Variants in ESYT1 observed in about 807,000 individuals in gnomAD.
ESYT1 encodes extended synaptotagmin 1.
A neutral mutation model predicts 154.2 loss-of-function variants in ESYT1; 116 were observed. The ratio of observed to expected loss-of-function variants is 0.75; its 90% confidence interval spans 0.65 to 0.88. The LOEUF is 0.88. Ranked by LOEUF, ESYT1 falls within the 40% of genes least tolerant of loss-of-function variation. The pLI is 0.00. For missense variants in ESYT1, 1,264 were observed against 1,379.3 expected (o/e 0.92, Z 1.32); for synonymous variants, 500 against 539.9 (o/e 0.93, Z 1.02).
Position 56,133,808 on chromosome 12 carries a change from T to C in ESYT1, c.1408T>C (p.Ser470Pro). ...QVLQWNWGVS[S>P]RPDPPSAAIL... ...TCTACAGTGGAATTGGGGAGTCTCC[T>C]CTCGACCAGATCCCCCGTCAGCTGC... The change falls in exon 13 of 31, where the codon TCT (serine) becomes CCT (proline). Residue 470 changes from serine to proline, a missense_variant. Physicochemically the swap from Ser to Pro is moderately conservative, Grantham distance 74. Transcript: ENST00000394048. 1.9e-6 allele frequency: 3 copies of C among 1,614,142 alleles called. No individual in the cohort carries two copies. Among genetic ancestry groups the C allele is most frequent in the Non-Finnish European group, 2.5e-6 (3 of 1,180,022 alleles).
intron 28 of ESYT1, 25 bp downstream of exon 28, chr12:56,143,173 A>C (rs530032544): frequency 1.2e-6 from 2 of 1,614,132 alleles, no homozygotes; most frequent in South Asian, 2.2e-5. Flanking sequence ...ATTCAGGTGG[A>C]GAGATGGCAG....
chr12:56,131,253 T>C lies in ESYT1; in HGVS notation c.651T>C (p.Gly217=). 6.2e-7 allele frequency: 1 copy of C among 1,614,026 alleles called. No individual in the cohort carries two copies. The highest frequency in any genetic ancestry group is 8.5e-7 in the Non-Finnish European group (1 of 1,180,012). Residue 217 remains glycine (G), a synonymous_variant, in exon 5 of 31, where the codon GGT becomes GGC. Transcript: ENST00000394048. The part of the protein sequence containing the change: ...ILLDLNISYV[G]DVQIDVEVKK... ...CTTCACCAATCCCCAGCTATGTAGG[T>C]GATGTGCAGATTGATGTGGAAGTGA...
At position 56,128,702 on chromosome 12, in the gene ESYT1, C is replaced by T; in HGVS notation, c.383C>T (p.Pro128Leu). The change falls in exon 1 of 31, where the codon CCT becomes CTT. Residue 128 changes from proline (P) to leucine (L), a missense_variant. Physicochemically the swap from Pro to Leu is moderately conservative, Grantham distance 98. Transcript: ENST00000394048. ...CTCTATATGAGTCATCGAGAGCTAC[C>T]TGCCTGGGTGAGCGACCACCCTCGG... ...KTLYMSHREL[P>L]AWVSFPDVEK... is the part of the protein sequence containing the mutation. The T allele has an allele frequency of 1.2e-6, 2 of 1,613,566 alleles. No homozygotes were observed. The highest frequency in any genetic ancestry group is 1.7e-6 in the Non-Finnish European group (2 of 1,180,032).
At position 56,130,858 on chromosome 12, in the gene ESYT1, C is replaced by T. The variant is rs144990033; in HGVS notation, c.500C>T (p.Pro167Leu). 3.3e-4 allele frequency: 540 copies of T among 1,614,050 alleles called. 1 individual carries two copies. The highest frequency in any genetic ancestry group is 4.3e-4 in the Non-Finnish European group (512 of 1,180,050). ...AAGCTTCTGGCTGAAACTGTGGCTC[C>T]GGCTGTTAGGGGATCTAACCCCCAT... ...MEKLLAETVA[P>L]AVRGSNPHLQ... The change falls in exon 3 of 31, where the codon CCG becomes CTG. Residue 167 changes from proline to leucine, a missense_variant. Transcript: ENST00000394048.
At chr12:56,132,067 G>A in intron 7 of ESYT1, 142 bp from the exon 8 acceptor site, 1 of 1,326,678 alleles carries the variant, frequency 7.5e-7, no homozygotes, top group Non-Finnish European at 1.1e-6. Context: ...TGGGGAATTA[G>A]GGTAGAAGAG....
chr12:56,128,495 G>A lies in ESYT1; in HGVS notation c.176G>A (p.Gly59Glu). ...GEALAVLTSFGRRLLVLIPVY... is the reference protein window; with the variant it reads ...GEALAVLTSFERRLLVLIPVY... ...GCCCTGGCGGTGCTGACTTCATTCG[G>A]GAGGCGGTTGCTGGTGCTGATACCT... The change falls in exon 1 of 31, where the codon GGG becomes GAG. Residue 59 changes from glycine (G) to glutamate (E), a missense_variant. By Grantham distance (98) the Gly-to-Glu change is moderately conservative (BLOSUM62 -2). Coordinates refer to ENST00000394048, the MANE Select transcript of ESYT1 (RefSeq NM_015292.3). The A allele has an allele frequency of 6.2e-7, 1 of 1,611,456 alleles. No individual in the cohort carries two copies. The highest frequency in any genetic ancestry group is 1.1e-5 in the South Asian group (1 of 90,754).
In ESYT1 at chr12:56,133,795, T is replaced by A. The variant is rs201163086; in HGVS notation, c.1395T>A (p.Asn465Lys). Residue 465 changes from asparagine (N) to lysine (K), a missense_variant, in exon 13 of 31, where the codon AAT becomes AAA. Physicochemically the swap from Asn to Lys is moderately conservative, Grantham distance 94. Coordinates refer to ENST00000394048, the MANE Select transcript of ESYT1 (RefSeq NM_015292.3). ...CCCCTCCCCAGGTTCTACAGTGGAATTGGGGAGTCTCCTCTCGACCAGATC... is the reference window on the plus strand; with the variant it reads ...CCCCTCCCCAGGTTCTACAGTGGAAATGGGGAGTCTCCTCTCGACCAGATC... ...AEKLEQVLQW[N>K]WGVSSRPDPP... 6.2e-7 allele frequency: 1 copy of A among 1,614,102 alleles called. No individual in the cohort carries two copies. The highest frequency in any genetic ancestry group is 1.3e-5 in the African/African-American group (1 of 75,020).
chr12:56,130,485 C>T, intron 1 of ESYT1, 97 bp from the exon 2 acceptor site: 1 of 1,470,910 alleles, frequency 6.8e-7, no homozygotes, highest in South Asian at 1.1e-5. Flanking sequence ...GAGTCACACA[C>T]ACTCCCTCTC....
chr12:56,138,183 T>C lies in ESYT1; in HGVS notation c.2248T>C (p.Trp750Arg). 1 of 1,614,196 alleles carries C rather than the reference T, an allele frequency of 6.2e-7. No individual in the cohort carries two copies. Among genetic ancestry groups the C allele is most frequent in the Non-Finnish European group, 8.5e-7 (1 of 1,180,024 alleles). ...TVLNSGFLDE[W>R]LTLEDVPSGR... ...GTCTTCACCCTGCCTACTTCCACAG[T>C]GGCTGACCCTGGAGGATGTCCCATC... The change falls in exon 21 of 31, where the codon TGG becomes CGG. Residue 750 changes from tryptophan (W) to arginine (R), a missense_variant and splice_region_variant. Coordinates refer to ENST00000394048, the MANE Select transcript of ESYT1 (RefSeq NM_015292.3).
At chr12:56,131,714 T>C in intron 6 of ESYT1, 35 bp from the exon 7 acceptor site, 3 of 1,613,600 alleles carry the variant, frequency 1.9e-6, no homozygotes, top group Non-Finnish European at 8.5e-7. Flanking sequence ...CCACACCCCA[T>C]AGGATCTGTC....
At chr12:56,143,556 T>G (rs770385580) in intron 29 of ESYT1, 24 bp from the exon 30 acceptor site, 2 of 1,613,852 alleles carry the variant, frequency 1.2e-6, no homozygotes, top group Non-Finnish European at 1.7e-6. Flanking sequence ...AATAACATCT[T>G]TCCCCTATCA....
At chr12:56,136,523 C>T (rs781145127) in intron 15 of ESYT1, among the ~76,000 whole-genome samples, 1 of 146,262 alleles carries the variant, frequency 6.8e-6, no homozygotes, top group African/African-American at 2.6e-5. Context: ...CCCAGGAGGT[C>T]GAAGTTGCAG....
Position 56,130,543 on chromosome 12 carries a change from TGTGCTGCAC to T in ESYT1, c.391-36_391-28del, listed in dbSNP as rs1306023326. 4 of 1,612,496 alleles carry T rather than the reference TGTGCTGCAC, an allele frequency of 2.5e-6. No homozygotes were observed. The South Asian group carries it at 4.4e-5, about 18-fold the overall frequency. On this transcript the variant is annotated intron_variant, in intron 1 of 30. Transcript: ENST00000394048. ...CTTAGTAGGAAACCAGAGGCGAGGGTGTGCTGCACGTCACTGTCTCTGCCTTCCCCACCT... is the reference window on the plus strand; with the variant it reads ...CTTAGTAGGAAACCAGAGGCGAGGGTGTCACTGTCTCTGCCTTCCCCACCT...
chr12:56,135,033 A>G (rs963228868), intron 15 of ESYT1, among the ~76,000 whole-genome samples: 26 of 151,946 alleles, frequency 1.7e-4, no homozygotes, highest in African/African-American at 5.6e-4. Context: ...GAATGTTAAC[A>G]ATTTTATTGA....
chr12:56,134,563 A>C (rs1037019673), intron 15 of ESYT1, 135 bp downstream of exon 15: 10 of 738,004 alleles, frequency 1.4e-5, no homozygotes, highest in Non-Finnish European at 2.2e-5. Flanking sequence ...CTCCCTGAAT[A>C]TCTCTCCATT....
chr12:56,137,193 T>C, intron 16 of ESYT1, 25 bp from the exon 17 acceptor site: 1 of 1,613,658 alleles, frequency 6.2e-7, no homozygotes, highest in Non-Finnish European at 8.5e-7. Flanking sequence ...ACTTCTTTGA[T>C]TCAGCATCAT....
Position 56,143,012 on chromosome 12 carries a change from TG to T in ESYT1, c.2988-4del, listed in dbSNP as rs773763249. ...TACCATATCACCTACATCCTCCTGTTGTAGGTCCCTTCGACAGAATGGACGT... is the reference window on the plus strand; with the variant it reads ...TACCATATCACCTACATCCTCCTGTTTAGGTCCCTTCGACAGAATGGACGT... On this transcript the variant is annotated splice_polypyrimidine_tract_variant and splice_region_variant and intron_variant, in intron 27 of 30. Transcript: ENST00000394048. The T allele has an allele frequency of 1.2e-5, 20 of 1,614,096 alleles. No homozygotes were observed. The highest frequency in any genetic ancestry group is 1.6e-5 in the Non-Finnish European group (19 of 1,180,036).
rs748470234 is a variant in ESYT1 at position 56,138,410 on chromosome 12, C to T, written c.2344C>T (p.Gln782Ter). Residue 782 changes from glutamine (Q) to a stop codon, truncating the protein, a stop_gained, in exon 22 of 31, where the codon CAG (glutamine) becomes TAG (stop). Transcript: ENST00000394048. LOFTEE classifies it high-confidence loss of function. ...PTAAELEEVL[Q>*]VNSLIQTQKS... ...CCCGTGTGCCCCTCCACAGGTGCTG[C>T]AGGTGAATAGTTTGATCCAGACTCA... is the stretch of plus-strand genomic sequence containing the variant. 1.2e-6 allele frequency: 2 copies of T among 1,613,568 alleles called. No homozygotes were observed. The highest frequency in any genetic ancestry group is 1.1e-5 in the South Asian group (1 of 90,984).
rs1474033065 is a variant in ESYT1 at position 56,142,533 on chromosome 12, G to T, written c.2734-45G>T. 1.2e-6 allele frequency: 2 copies of T among 1,613,512 alleles called. No individual in the cohort carries two copies. The highest frequency in any genetic ancestry group is 1.7e-6 in the Non-Finnish European group (2 of 1,179,670). ...CAGAGGGCCGTGTCCTTAGAGTGAG[G>T]GAACTGAGAGAACTCTGCCCAGCTC... On this transcript the variant is annotated intron_variant, in intron 25 of 30. Transcript: ENST00000394048. The surrounding 1 kb of genome is among the most constrained non-coding windows in gnomAD (Gnocchi z 4.1).
Sources: allele counts gnomAD v4.1 joint callset (sites outside exome capture counted in the v4.1 genomes callset), GRCh38; gene constraint gnomAD v4.1.1; non-coding constraint Gnocchi (gnomAD v3.1); transcripts MANE v1.5; gene names NCBI Gene and HGNC (gene_info 2026-07-23, HGNC 2026-07-21).